Variants in ZDHHC20 observed in about 807,000 individuals in gnomAD.
ZDHHC20 encodes the protein zDHHC palmitoyltransferase 20.
Under a neutral mutation model 57.8 loss-of-function variants are expected in ZDHHC20, and 43 were observed. That is an observed-to-expected ratio of 0.74 (90% CI 0.58 to 0.96). ZDHHC20 has a LOEUF of 0.96. ZDHHC20 is among the 40% of genes least tolerant of loss of function. The pLI, the probability that ZDHHC20 is intolerant of heterozygous loss-of-function variation, is 0.00. For missense variants in ZDHHC20, 391 were observed against 441.1 expected, an observed-to-expected ratio of 0.89 and a Z score of 1.02; for synonymous variants, 157 against 153.0, an observed-to-expected ratio of 1.03 and a Z score of -0.19.
At chr13:21,409,474 A>G (rs1878910703) in intron 4 of ZDHHC20, among the ~76,000 whole-genome samples, 1 of 151,484 alleles carries the variant, frequency 6.6e-6, no homozygotes, top group South Asian at 2.1e-4. Context: ...TCATTTTTTT[A>G]TTGTGTCTAT....
rs1436435472 is a variant in ZDHHC20 at position 21,374,307 on chromosome 13, C to T, written c.*2389G>A. 2.4e-6 allele frequency: 1 copy of T among 414,880 alleles called. No homozygotes were observed. The allele number at this position is 414,880 out of a possible 1,614,324, so 25.7% of individuals were successfully genotyped here. ...TGGCACGATCTCGGCTCACTGCGAC[C>T]TCCACCTCCTGGGTTCAAGTGATTC... is the stretch of plus-strand genomic sequence containing the variant. On this transcript the variant is annotated 3_prime_UTR_variant, in exon 13 of 13. Transcript: ENST00000400590.
intron 10 of ZDHHC20, 82 bp from the exon 11 acceptor site, chr13:21,381,631 T>C: frequency 1.1e-6 from 1 of 927,098 alleles, no homozygotes; most frequent in South Asian, 1.5e-5. Flanking sequence ...AGCAAATTAG[T>C]ATTCCTTCTC....
At chr13:21,411,962 T>G (rs75483781) in intron 4 of ZDHHC20, among the ~76,000 whole-genome samples, 5,752 of 152,344 alleles carry the variant, frequency 0.038, 344 homozygotes, top group African/African-American at 0.13. Context: ...CAAGTACAGC[T>G]ATCCTTTGGA....
chr13:21,423,723 TA>T (rs1308594984), intron 2 of ZDHHC20, among the ~76,000 whole-genome samples: 6 of 150,692 alleles, frequency 4.0e-5, no homozygotes, highest in African/African-American at 9.7e-5. Flanking sequence ...ATATTTTATA[TA>T]TTACATATAA....
intron 1 of ZDHHC20, among the ~76,000 whole-genome samples, chr13:21,429,703 C>CGA (rs1881692875): frequency 6.6e-6 from 1 of 152,170 alleles, no homozygotes; most frequent in Non-Finnish European, 1.5e-5. Context: ...CGTCTTTCTT[C>CGA]TCCCCTGGGA....
intron 1 of ZDHHC20, among the ~76,000 whole-genome samples, chr13:21,432,163 A>G (rs1294724312): frequency 6.6e-6 from 1 of 150,978 alleles, no homozygotes; most frequent in Non-Finnish European, 1.5e-5. Flanking sequence ...ATTTTATTTC[A>G]TATTTTATTT....
Position 21,459,215 on chromosome 13 carries a change from G to A in ZDHHC20, c.-44C>T. The A allele has an allele frequency of 6.7e-7, 1 of 1,491,790 alleles. No homozygotes were observed. Among genetic ancestry groups the A allele is most frequent in the Non-Finnish European group, 9.1e-7 (1 of 1,103,544 alleles). The allele number at this position is 1,491,790 out of a possible 1,614,324, so 92.4% of individuals were successfully genotyped here. On this transcript the variant is annotated 5_prime_UTR_variant, in exon 1 of 13. Transcript: ENST00000400590. ...GAGCCCCGCGTCCCACCGTTCTGGG[G>A]AGCGCGGGAGCCCCGGCGACGGTGA...
chr13:21,446,530 A>AAATC (rs1883718770), intron 1 of ZDHHC20, among the ~76,000 whole-genome samples: 2 of 152,240 alleles, frequency 1.3e-5, no homozygotes, highest in Admixed American at 1.3e-4. Context: ...TACGATAGTA[A>AAATC]AATGCATTGG....
chr13:21,391,629 C>A, intron 8 of ZDHHC20, 93 bp downstream of exon 8: 1 of 1,337,554 alleles, frequency 7.5e-7, no homozygotes, highest in Admixed American at 2.5e-5. Flanking sequence ...TTGTCTTACA[C>A]TTCTGTATCA....
Position 21,383,042 on chromosome 13 carries a change from A to C in ZDHHC20, c.855-33T>G, listed in dbSNP as rs752865074. On this transcript the variant is annotated intron_variant, in intron 9 of 12. Coordinates refer to ENST00000400590, the MANE Select transcript of ZDHHC20 (RefSeq NM_001330059.2). ...ATGAAAAAGAGTAATAATTTAAATA[A>C]TGTTAAGTTAAATCAAAATGGTCAA... 7.2e-6 allele frequency: 11 copies of C among 1,521,960 alleles called. No individual in the cohort carries two copies. The South Asian group carries it at 1.3e-4, about 18-fold the overall frequency. 94.3% of individuals were successfully genotyped at this position (1,521,960 alleles called of 1,614,324 possible).
chr13:21,397,743 G>A (rs1267630877), intron 7 of ZDHHC20, among the ~76,000 whole-genome samples: 2 of 152,028 alleles, frequency 1.3e-5, no homozygotes, highest in Non-Finnish European at 2.9e-5. Flanking sequence ...AAACCTACTA[G>A]AAATGGGCAA....
At chr13:21,405,212 C>T (rs1344544728) in intron 4 of ZDHHC20, among the ~76,000 whole-genome samples, 1 of 151,952 alleles carries the variant, frequency 6.6e-6, no homozygotes, top group Non-Finnish European at 1.5e-5. Context: ...GGAATTTACA[C>T]AAATATCTAC....
intron 12 of ZDHHC20, 62 bp from the exon 13 acceptor site, chr13:21,376,717 T>C: frequency 1.7e-6 from 2 of 1,144,946 alleles, no homozygotes; most frequent in Non-Finnish European, 2.4e-6. Context: ...AAATATTTAC[T>C]AAATGGTTCT....
At chr13:21,395,791 C>T (rs773408317) in intron 7 of ZDHHC20, among the ~76,000 whole-genome samples, 1 of 152,104 alleles carries the variant, frequency 6.6e-6, no homozygotes, top group African/African-American at 2.4e-5. Flanking sequence ...TAAGCCACCG[C>T]GCCCCAACCC....
At chr13:21,413,510 A>G (rs1409261941) in intron 4 of ZDHHC20, 142 bp downstream of exon 4, 1 of 647,480 alleles carries the variant, frequency 1.5e-6, no homozygotes, top group Non-Finnish European at 2.3e-6. Context: ...TACAGTAAGG[A>G]AACAGGAAAG....
rs1387990382 is a variant in ZDHHC20 at position 21,375,092 on chromosome 13, C to T, written c.*1604G>A. 2 of 455,196 alleles carry T rather than the reference C, an allele frequency of 4.4e-6. No homozygotes were observed. Among genetic ancestry groups the T allele is most frequent in the African/African-American group, 4.0e-5 (2 of 50,012 alleles). 28.2% of individuals were successfully genotyped at this position (455,196 alleles called of 1,614,324 possible). ...GAGGTTGCAGCGAGCCAAGATCCCG[C>T]CACTGCACTCCTGCCTGGGAGACAG... On this transcript the variant is annotated 3_prime_UTR_variant, in exon 13 of 13. Transcript: ENST00000400590.
chr13:21,388,255 T>C (rs1006194208), intron 8 of ZDHHC20, among the ~76,000 whole-genome samples: 6 of 152,100 alleles, frequency 3.9e-5, no homozygotes, highest in Admixed American at 3.9e-4. Flanking sequence ...TGGAGAAAGA[T>C]ACAGGCTTCA....
chr13:21,428,085 C>T (rs1376264236), intron 1 of ZDHHC20, among the ~76,000 whole-genome samples: 3 of 152,130 alleles, frequency 2.0e-5, no homozygotes, highest in East Asian at 3.9e-4. Context: ...CGGCATGGAA[C>T]ACACTCTTAA....
At chr13:21,435,226 T>C (rs1216923391) in intron 1 of ZDHHC20, among the ~76,000 whole-genome samples, 3 of 152,292 alleles carry the variant, frequency 2.0e-5, no homozygotes, top group Admixed American at 6.5e-5. Context: ...ATCTGCTTAC[T>C]TTTTTGTTTG....
Sources: gnomAD v4.1 joint callset for allele counts (sites outside exome capture counted in the v4.1 genomes callset) on GRCh38, gnomAD v4.1.1 for gene constraint, MANE v1.5 for transcripts, NCBI Gene and HGNC (gene_info 2026-07-23, HGNC 2026-07-21) for gene names.